NDST4: variants seen among roughly 807,000 people sequenced by gnomAD.
NDST4 encodes N-heparan sulfate sulfotransferase 4.
A neutral mutation model predicts 100.8 loss-of-function variants in NDST4; 63 were observed. The ratio of observed to expected loss-of-function variants is 0.62; its 90% CI spans 0.51 to 0.77. The LOEUF (loss-of-function observed/expected upper bound fraction) is 0.77. Among genes scored for constraint, NDST4 ranks in the 30% least tolerant of loss-of-function variants. NDST4 has a pLI of 0.00. For missense variants in NDST4, 943 were observed against 1,018.4 expected, an observed-to-expected ratio of 0.93 and a Z score of 1.01; for synonymous variants, 377 against 361.8, an observed-to-expected ratio of 1.04 and a Z score of -0.48.
chr4:115,073,204 AT>A (rs1729112575), intron 2 of NDST4, among the ~76,000 whole-genome samples: 2 of 152,110 alleles, frequency 1.3e-5, no homozygotes, highest in South Asian at 4.1e-4. Context: ...GGGAACCCTC[AT>A]GTACATGGGT....
chr4:114,842,591 GA>G, intron 10 of NDST4: 1 of 165,818 alleles, frequency 6.0e-6, no homozygotes, highest in Non-Finnish European at 1.1e-5. Flanking sequence ...GGAGATTGGG[GA>G]AAACACGATG....
intron 2 of NDST4, among the ~76,000 whole-genome samples, chr4:115,012,660 A>G (rs78899108): frequency 6.6e-6 from 1 of 152,166 alleles, no homozygotes; most frequent in African/African-American, 2.4e-5. Context: ...AAATAGAACT[A>G]CCATATGATC....
At chr4:115,073,043 CAT>C (rs1729108913) in intron 2 of NDST4, among the ~76,000 whole-genome samples, 1 of 151,864 alleles carries the variant, frequency 6.6e-6, no homozygotes, top group South Asian at 2.1e-4. Context: ...CAAAAGAAAA[CAT>C]AAATGACCAA....
Position 115,065,013 on chromosome 4 carries a change from G to T in NDST4, c.978+11046C>A, listed in dbSNP as rs140338900. Among the ~76,000 whole-genome samples the T allele has an allele frequency of 4.3e-3, 654 of 152,122 alleles. 2 individuals are homozygous for T. Among genetic ancestry groups the T allele is most frequent in the Non-Finnish European group, 6.9e-3 (469 of 67,970 alleles). On this transcript the variant is annotated intron_variant, in intron 2 of 13. Transcript: ENST00000264363. ...TCATCCTTCCAGCATCTTTACCTCT[G>T]TCTGATTCTATACATTTTAATGAAC...
At chr4:114,829,330 T>C (rs1241202782) in intron 13 of NDST4, among the ~76,000 whole-genome samples, 2 of 152,204 alleles carry the variant, frequency 1.3e-5, no homozygotes, top group Non-Finnish European at 1.5e-5. Context: ...TCAGTGGATA[T>C]AACTAATTTA....
At chr4:114,892,469 C>T (rs927912526) in intron 6 of NDST4, among the ~76,000 whole-genome samples, 3 of 152,146 alleles carry the variant, frequency 2.0e-5, no homozygotes, top group African/African-American at 7.2e-5. Flanking sequence ...TGTTATCTTT[C>T]TTTTACATAC....
At chr4:114,947,910 G>T (rs1725901497) in intron 4 of NDST4, among the ~76,000 whole-genome samples, 1 of 152,058 alleles carries the variant, frequency 6.6e-6, no homozygotes, top group African/African-American at 2.4e-5. Context: ...GATAGCCGGG[G>T]ATGCCTGTGT....
intron 6 of NDST4, among the ~76,000 whole-genome samples, chr4:114,901,234 A>C (rs1724831629): frequency 6.6e-6 from 1 of 151,926 alleles, no homozygotes; most frequent in South Asian, 2.1e-4. Flanking sequence ...TCCATTTCTG[A>C]TAGTTGGGTG....
chr4:114,933,091 T>A (rs1024920605), intron 6 of NDST4, among the ~76,000 whole-genome samples: 9 of 152,072 alleles, frequency 5.9e-5, no homozygotes, highest in Non-Finnish European at 7.4e-5. Context: ...GCTGTGGTAA[T>A]AAAAACAGCA....
chr4:114,997,917 A>T (rs1425850738), intron 2 of NDST4, among the ~76,000 whole-genome samples: 1 of 152,014 alleles, frequency 6.6e-6, no homozygotes, highest in Non-Finnish European at 1.5e-5. Flanking sequence ...CTTTTTGAAG[A>T]GGATTAAAGG....
intron 7 of NDST4, among the ~76,000 whole-genome samples, chr4:114,861,180 T>A (rs182769732): frequency 3.6e-4 from 55 of 152,338 alleles, no homozygotes; most frequent in Admixed American, 2.6e-3. Context: ...CTTAAGCTAA[T>A]ATCTACCATA....
intron 1 of NDST4, among the ~76,000 whole-genome samples, chr4:115,098,971 A>G (rs1442468078): frequency 2.0e-5 from 3 of 152,186 alleles, no homozygotes; most frequent in Non-Finnish European, 4.4e-5. Flanking sequence ...GCGTCCCAAA[A>G]TGATGGGATT....
At chr4:114,972,657 A>G (rs541543736) in intron 3 of NDST4, among the ~76,000 whole-genome samples, 3 of 152,170 alleles carry the variant, frequency 2.0e-5, no homozygotes, top group Non-Finnish European at 4.4e-5. Context: ...AAAGAGTTAC[A>G]TTATGTCACA....
Position 114,971,479 on chromosome 4 carries a change from G to A in NDST4, c.1067-895C>T, listed in dbSNP as rs190182863. On this transcript the variant is annotated intron_variant, in intron 3 of 13. Transcript: ENST00000264363. ...CCACAAATGAAATGATAGAGTTTTCGTATGATTTTGTACAATTTTACTATA... is the reference window on the plus strand; with the variant it reads ...CCACAAATGAAATGATAGAGTTTTCATATGATTTTGTACAATTTTACTATA... Among the ~76,000 whole-genome samples, 44 of 152,034 alleles carry A rather than the reference G, an allele frequency of 2.9e-4. 1 individual carries two copies. The East Asian group carries it at 7.1e-3, about 25-fold the overall frequency.
chr4:114,857,480 C>A (rs369926265), intron 7 of NDST4, among the ~76,000 whole-genome samples: 1 of 152,282 alleles, frequency 6.6e-6, no homozygotes. Flanking sequence ...GTCACTGTTG[C>A]ACTGATGCTT....
At chr4:114,954,886 A>T (rs2018486) in intron 4 of NDST4, among the ~76,000 whole-genome samples, 2 of 151,860 alleles carry the variant, frequency 1.3e-5, no homozygotes, top group African/African-American at 2.4e-5. Flanking sequence ...TTGTTCGAAC[A>T]TGTGTAGCCC....
chr4:114,923,970 A>G (rs1319287540), intron 6 of NDST4, among the ~76,000 whole-genome samples: 1 of 152,024 alleles, frequency 6.6e-6, no homozygotes, highest in Non-Finnish European at 1.5e-5. Flanking sequence ...GGATTTTTTC[A>G]TGTTCTGGAA....
chr4:114,893,734 C>A (rs889687589), intron 6 of NDST4, among the ~76,000 whole-genome samples: 4 of 152,050 alleles, frequency 2.6e-5, no homozygotes, highest in African/African-American at 9.7e-5. Flanking sequence ...TCCAGAAGCT[C>A]TTTAGTTTAA....
chr4:114,868,090 G>T (rs1414009755), intron 7 of NDST4, among the ~76,000 whole-genome samples: 1 of 152,070 alleles, frequency 6.6e-6, no homozygotes, highest in Non-Finnish European at 1.5e-5. Context: ...TCTTTTATTT[G>T]TGGTAACAAG....
Sources: gnomAD v4.1 joint callset for allele counts (sites outside exome capture counted in the v4.1 genomes callset) on GRCh38, gnomAD v4.1.1 for gene constraint, MANE v1.5 for transcripts, NCBI Gene and HGNC (gene_info 2026-07-23, HGNC 2026-07-21) for gene names.